The following KITLG variants were observed in gnomAD, a reference collection of about 807,000 sequenced individuals.
KITLG encodes c-Kit ligand.
A neutral mutation model predicts 34.1 loss-of-function variants in KITLG; 13 were observed. The observed-to-expected ratio is 0.38, with a 90% CI of 0.25 to 0.61. KITLG has a LOEUF of 0.61. KITLG is among the 20% of genes least tolerant of loss of function. The pLI is 0.60. For missense variants in KITLG, 292 were observed against 318.9 expected (o/e 0.92, Z 0.64); for synonymous variants, 110 against 104.0 (o/e 1.06, Z -0.35).
intron 1 of KITLG, among the ~76,000 whole-genome samples, chr12:88,554,717 T>C (rs1243744963): frequency 6.6e-6 from 1 of 152,234 alleles, no homozygotes; most frequent in East Asian, 1.9e-4. Flanking sequence ...CATTCAGTTC[T>C]ATATGACTTC....
chr12:88,552,881 C>A (rs183638995), intron 1 of KITLG, among the ~76,000 whole-genome samples: 155 of 152,240 alleles, frequency 1.0e-3, no homozygotes, highest in African/African-American at 3.5e-3. Flanking sequence ...ATTTATCAGC[C>A]TATAAAATGA....
chr12:88,565,023 T>G (rs1871399997), intron 1 of KITLG, among the ~76,000 whole-genome samples: 1 of 152,224 alleles, frequency 6.6e-6, no homozygotes, highest in Non-Finnish European at 1.5e-5. Context: ...TCTGATCTTA[T>G]GTATTGAGAC....
At chr12:88,500,504 G>T (rs932346031) in intron 9 of KITLG, among the ~76,000 whole-genome samples, 22 of 152,164 alleles carry the variant, frequency 1.4e-4, no homozygotes, top group Non-Finnish European at 2.9e-4. Context: ...ATTAAGCTTT[G>T]CATCCATCAA....
In KITLG at chr12:88,493,954, A is replaced by G. The variant is rs1219389796; in HGVS notation, c.*3265T>C. ...TATTTACATTAGAAACAAGAACAGC[A>G]ATGACTTTTTATGGTCAAGATACTT... is the stretch of plus-strand genomic sequence containing the variant. On this transcript the variant is annotated 3_prime_UTR_variant, in exon 10 of 10. Coordinates refer to ENST00000644744, the MANE Select transcript of KITLG (RefSeq NM_000899.5). 2.0e-5 allele frequency: 3 copies of G among 151,962 alleles called. No individual in the cohort carries two copies. The highest frequency in any genetic ancestry group is 7.2e-5 in the African/African-American group (3 of 41,432). The allele number at this position is 151,962 out of a possible 1,614,324, so 9.4% of individuals were successfully genotyped here. A position where few individuals can be genotyped will look rare whatever the true frequency, so the allele number is the denominator to read the frequency against.
chr12:88,541,861 G>A (rs1254067095), intron 2 of KITLG, among the ~76,000 whole-genome samples: 2 of 152,166 alleles, frequency 1.3e-5, no homozygotes, highest in Non-Finnish European at 2.9e-5. Context: ...GGGCTTCTGT[G>A]ACATGAGAAT....
intron 1 of KITLG, among the ~76,000 whole-genome samples, chr12:88,566,045 C>A (rs1349967258): frequency 6.6e-6 from 1 of 152,176 alleles, no homozygotes; most frequent in Non-Finnish European, 1.5e-5. Context: ...TTAAGAATGG[C>A]AAGCAATGGC....
At chr12:88,562,344 T>C (rs1010289375) in intron 1 of KITLG, among the ~76,000 whole-genome samples, 2 of 152,220 alleles carry the variant, frequency 1.3e-5, no homozygotes, top group African/African-American at 4.8e-5. Flanking sequence ...TACAATTCAA[T>C]CCTCAGCAGC....
chr12:88,558,837 AAAAC>A (rs1230876261), intron 1 of KITLG, among the ~76,000 whole-genome samples: 5 of 152,224 alleles, frequency 3.3e-5, no homozygotes, highest in Admixed American at 1.3e-4. Flanking sequence ...ATTGTTAAAG[AAAAC>A]AAACAAAACA....
At chr12:88,512,853 G>T (rs900380367) in intron 6 of KITLG, among the ~76,000 whole-genome samples, 4 of 151,684 alleles carry the variant, frequency 2.6e-5, no homozygotes, top group Admixed American at 2.0e-4. Flanking sequence ...AAAGAAAAAA[G>T]AATTTGTTGC....
rs770889141 is a variant in KITLG, at chr12:88,497,193, GGAA to G, written c.*38-15_*38-13del. The G allele has an allele frequency of 1.5e-4, 64 of 436,490 alleles. No homozygotes were observed. The highest frequency in any genetic ancestry group is 6.7e-4 in the Middle Eastern group (2 of 2,972). 27.0% of individuals were successfully genotyped at this position (436,490 alleles called of 1,614,324 possible). ...GAACTGTTACCAGCCTAGAAAGGAA[GGAA>G]GAAAAGAGAGATTATGGTGTATCTG... On this transcript the variant is annotated splice_polypyrimidine_tract_variant and intron_variant, in intron 9 of 9. Coordinates refer to ENST00000644744, the MANE Select transcript of KITLG (RefSeq NM_000899.5).
At chr12:88,533,790 T>C (rs373280025) in intron 2 of KITLG, among the ~76,000 whole-genome samples, 2 of 152,078 alleles carry the variant, frequency 1.3e-5, no homozygotes, top group African/African-American at 2.4e-5. Flanking sequence ...TCTGTATGAT[T>C]CTGCTTGGTC....
At chr12:88,509,345 A>C (rs1467646123) in intron 6 of KITLG, among the ~76,000 whole-genome samples, 1 of 152,190 alleles carries the variant, frequency 6.6e-6, no homozygotes, top group Non-Finnish European at 1.5e-5. Context: ...ACTCAAAAGC[A>C]AAAAGCAGCT....
At chr12:88,573,725 A>G (rs1363674027) in intron 1 of KITLG, among the ~76,000 whole-genome samples, 1 of 152,202 alleles carries the variant, frequency 6.6e-6, no homozygotes, top group Non-Finnish European at 1.5e-5. Flanking sequence ...CTTTCTTCCC[A>G]GGTTTGCACA....
At chr12:88,515,084 C>G (rs1164131919) in intron 6 of KITLG, among the ~76,000 whole-genome samples, 3 of 151,714 alleles carry the variant, frequency 2.0e-5, no homozygotes, top group Non-Finnish European at 4.4e-5. Context: ...CTGATATACA[C>G]AAATCTGAAA....
chr12:88,532,414 T>G, intron 3 of KITLG, 27 bp downstream of exon 3: 1 of 1,534,592 alleles, frequency 6.5e-7, no homozygotes, highest in African/African-American at 1.4e-5. Context: ...GCTACTAAAA[T>G]GAAACTCAGA....
rs529766224 is a variant in KITLG at position 88,549,305 on chromosome 12, AAATT to A, written c.16-3444_16-3441del. ...GGGATATATACTTCAGAATAAAAAT[AAATT>A]AATTAAATAAGATCAGTCTGATTGC... On this transcript the variant is annotated intron_variant, in intron 1 of 9. Coordinates refer to ENST00000644744, the MANE Select transcript of KITLG (RefSeq NM_000899.5). 4.0e-3 allele frequency among the ~76,000 whole-genome samples: 614 copies of A among 152,330 alleles called. 3 individuals are homozygous for A. The highest frequency in any genetic ancestry group is 0.014 in the African/African-American group (581 of 41,582).
intron 1 of KITLG, among the ~76,000 whole-genome samples, chr12:88,565,089 T>C (rs1413114580): frequency 6.6e-6 from 1 of 152,238 alleles, no homozygotes; most frequent in Non-Finnish European, 1.5e-5. Context: ...AATATCATTC[T>C]AATAGAATCA....
At chr12:88,548,570 A>C (rs1300003430) in intron 1 of KITLG, among the ~76,000 whole-genome samples, 1 of 152,158 alleles carries the variant, frequency 6.6e-6, no homozygotes, top group African/African-American at 2.4e-5. Flanking sequence ...TGGCAATGAT[A>C]GGTGATGTTG....
intron 8 of KITLG, 98 bp from the exon 9 acceptor site, chr12:88,505,333 A>G: frequency 1.1e-6 from 1 of 923,362 alleles, no homozygotes; most frequent in African/African-American, 1.6e-5. Context: ...TTCTGTAAAT[A>G]TAGTAGCAGA....
Sources: allele counts gnomAD v4.1 joint callset (sites outside exome capture counted in the v4.1 genomes callset), GRCh38; gene constraint gnomAD v4.1.1; transcripts MANE v1.5; gene names NCBI Gene and HGNC (gene_info 2026-07-23, HGNC 2026-07-21).